The following PRKCQ variants were observed in gnomAD, a reference collection of about 807,000 sequenced individuals.
The protein encoded by PRKCQ is protein kinase C theta.
PRKCQ carries 41 observed loss-of-function variants against 91.2 expected under a neutral mutation model. The observed-to-expected ratio is 0.45, with a 90% CI of 0.35 to 0.58. The LOEUF (loss-of-function observed/expected upper bound fraction) is 0.58, where lower values mean the gene tolerates loss of function less well. PRKCQ is among the 20% of genes least tolerant of loss of function. The pLI is 0.00. For missense variants in PRKCQ, 673 were observed against 896.5 expected, an observed-to-expected ratio of 0.75 and a Z score of 3.18; for synonymous variants, 307 against 316.9, an observed-to-expected ratio of 0.97 and a Z score of 0.33.
At chr10:6,447,030 G>A (rs1396585216) in intron 15 of PRKCQ, among the ~76,000 whole-genome samples, 1 of 152,132 alleles carries the variant, frequency 6.6e-6, no homozygotes, top group Non-Finnish European at 1.5e-5. Flanking sequence ...GTGGTTTCCA[G>A]GGAAATCCGA....
At chr10:6,404,247 AG>A in the PRKCQ span, among the ~76,000 whole-genome samples, 520 of 57,038 alleles carry the variant, frequency 9.1e-3, 30 homozygotes, top group African/African-American at 0.027. Flanking sequence ...AAGGGAGAGA[AG>A]GGGGGGGGAG....
intron 1 of PRKCQ, among the ~76,000 whole-genome samples, chr10:6,574,463 G>A (rs765593476): frequency 2.6e-5 from 4 of 152,140 alleles, no homozygotes; most frequent in African/African-American, 7.2e-5. Context: ...GATTAATAAC[G>A]TGCTCTTTCA....
intron 1 of PRKCQ, among the ~76,000 whole-genome samples, chr10:6,575,101 G>T (rs1841180939): frequency 6.6e-6 from 1 of 152,164 alleles, no homozygotes; most frequent in Non-Finnish European, 1.5e-5. Flanking sequence ...AGACAGAAAG[G>T]AAACTAGCAA....
At chr10:6,490,787 G>C (rs1384355839) in intron 8 of PRKCQ, among the ~76,000 whole-genome samples, 1 of 151,962 alleles carries the variant, frequency 6.6e-6, no homozygotes, top group Non-Finnish European at 1.5e-5. Context: ...AAAATCAGAA[G>C]CTGTCTGTAT....
At chr10:6,398,453 G>A in the PRKCQ span, among the ~76,000 whole-genome samples, 1 of 152,196 alleles carries the variant, frequency 6.6e-6, no homozygotes, top group African/African-American at 2.4e-5. Flanking sequence ...ATTCTTTCAT[G>A]GAGGAAAAAA....
chr10:6,524,595 A>G (rs1839131561), intron 1 of PRKCQ, among the ~76,000 whole-genome samples: 1 of 152,242 alleles, frequency 6.6e-6, no homozygotes, highest in South Asian at 2.1e-4. Flanking sequence ...GTACGGGTAG[A>G]CTTTCTCCTA....
rs1374054091 is a variant in PRKCQ, at chr10:6,576,659, T to C, written c.-10+3552A>G. Among the ~76,000 whole-genome samples, 2 of 152,376 alleles carry C rather than the reference T, an allele frequency of 1.3e-5. No homozygotes were observed. Among genetic ancestry groups the C allele is most frequent in the Admixed American group, 6.5e-5 (1 of 15,310 alleles). On this transcript the variant is annotated intron_variant, in intron 1 of 17. Coordinates refer to ENST00000263125, the MANE Select transcript of PRKCQ (RefSeq NM_006257.5). This position sits in a 1 kb window ranked among gnomAD's most constrained non-coding sequence, Gnocchi z 4.2. The stretch of plus-strand genomic sequence containing the variant: ...TGCAAAACAATGTGAATATACTTAA[T>C]GTCACTGAACTGTACGCTAGAAAAT...
chr10:6,566,241 T>G (rs533128527), intron 1 of PRKCQ, among the ~76,000 whole-genome samples: 1 of 152,346 alleles, frequency 6.6e-6, no homozygotes, highest in South Asian at 2.1e-4. Flanking sequence ...GGGACTGCAC[T>G]TCGGTTTATT....
chr10:6,557,984 A>G (rs1564392720), intron 1 of PRKCQ, among the ~76,000 whole-genome samples: 2 of 152,114 alleles, frequency 1.3e-5, no homozygotes, highest in Non-Finnish European at 2.9e-5. Flanking sequence ...AACTTCAGAC[A>G]TTTTCTCTTA....
intron 16 of PRKCQ, among the ~76,000 whole-genome samples, chr10:6,431,288 A>C (rs930936040): frequency 6.6e-6 from 1 of 152,216 alleles, no homozygotes; most frequent in Non-Finnish European, 1.5e-5. Context: ...ACGATTTATA[A>C]GACAGCAATA....
chr10:6,432,540 G>T (rs1333826654), intron 16 of PRKCQ, among the ~76,000 whole-genome samples: 2 of 152,078 alleles, frequency 1.3e-5, no homozygotes, highest in Non-Finnish European at 2.9e-5. Flanking sequence ...GAAACTTGGG[G>T]TTCCAAAGTA....
Position 6,481,754 on chromosome 10 carries a change from T to G in PRKCQ, c.1179+1686A>C, listed in dbSNP as rs535699335. Among the ~76,000 whole-genome samples the G allele has an allele frequency of 2.0e-5, 3 of 152,342 alleles. No individual in the cohort carries two copies. The South Asian group carries it at 6.2e-4, about 32-fold the overall frequency. ...AGCAGTTGTGGTGTATAATGCTGCC[T>G]TTGGCTGCACAGATTCATAGAACAG... On this transcript the variant is annotated intron_variant, in intron 11 of 17. Coordinates refer to ENST00000263125, the MANE Select transcript of PRKCQ (RefSeq NM_006257.5).
Position 6,521,410 on chromosome 10 carries a change from C to T in PRKCQ, c.-9-6266G>A, listed in dbSNP as rs541375225. On this transcript the variant is annotated intron_variant, in intron 1 of 17. Transcript: ENST00000263125. Reference sequence around the variant, plus strand: ...ACTTGTTGTAAACAAAAGATCGATGCCCTCATACACTGAACTGCTGGAGTT... The same window carrying T: ...ACTTGTTGTAAACAAAAGATCGATGTCCTCATACACTGAACTGCTGGAGTT... Among the ~76,000 whole-genome samples the T allele has an allele frequency of 5.4e-4, 82 of 152,254 alleles. 1 individual carries two copies. The South Asian group carries it at 0.014, about 26-fold the overall frequency.
intron 15 of PRKCQ, among the ~76,000 whole-genome samples, chr10:6,447,263 C>G (rs773522272): frequency 1.3e-5 from 2 of 151,878 alleles, no homozygotes; most frequent in Non-Finnish European, 2.9e-5. Flanking sequence ...ATAAATTAGC[C>G]GGGCATGGTG....
chr10:6,425,422 C>T (rs1046839027), downstream of PRKCQ, among the ~76,000 whole-genome samples: 24 of 152,062 alleles, frequency 1.6e-4, no homozygotes, highest in Non-Finnish European at 3.5e-4. Flanking sequence ...CGGGGTTTCA[C>T]CATGTTGGTC....
chr10:6,541,427 C>T (rs1839770953), intron 1 of PRKCQ, among the ~76,000 whole-genome samples: 1 of 152,210 alleles, frequency 6.6e-6, no homozygotes, highest in African/African-American at 2.4e-5. Context: ...ATGACTAGGG[C>T]AGAATCCAGT....
At chr10:6,498,259 G>T in intron 5 of PRKCQ, 137 bp downstream of exon 5, 1 of 1,161,550 alleles carries the variant, frequency 8.6e-7, no homozygotes, top group Non-Finnish European at 1.2e-6. Flanking sequence ...TCTCAGTTCA[G>T]GCAAGGTCCC....
At chr10:6,404,605 TTC>T in the PRKCQ span, among the ~76,000 whole-genome samples, 115 of 144,894 alleles carry the variant, frequency 7.9e-4, no homozygotes, top group African/African-American at 2.4e-3. Flanking sequence ...CTCTCTCTCT[TTC>T]TCTCTTTCTT....
chr10:6,476,167 A>G (rs1836255696), intron 12 of PRKCQ, among the ~76,000 whole-genome samples: 1 of 152,214 alleles, frequency 6.6e-6, no homozygotes, highest in Non-Finnish European at 1.5e-5. Flanking sequence ...TAAATGGGTT[A>G]AGGAGATCTC....
Sources: allele counts gnomAD v4.1 joint callset (sites outside exome capture counted in the v4.1 genomes callset), GRCh38; gene constraint gnomAD v4.1.1; non-coding constraint Gnocchi (gnomAD v3.1); transcripts MANE v1.5; gene names NCBI Gene and HGNC (gene_info 2026-07-23, HGNC 2026-07-21).